The following LRP1B variants were observed in gnomAD, a reference collection of about 807,000 sequenced individuals.
LRP1B encodes the protein low-density lipoprotein receptor-related protein 1B.
Under a neutral mutation model 556.6 loss-of-function variants are expected in LRP1B, and 217 were observed. The observed-to-expected ratio is 0.39, with a 90% CI of 0.35 to 0.44. LRP1B has a LOEUF of 0.44. Ranked by LOEUF, LRP1B falls within the 20% of genes least tolerant of loss-of-function variation. The probability of loss-of-function intolerance (pLI) is 1.00; values close to 1 mark genes in which losing one functional copy is unlikely to be tolerated. For missense variants in LRP1B, 5,053 were observed against 5,620.8 expected (o/e 0.90, Z 3.23); for synonymous variants, 2,047 against 1,865.8 (o/e 1.10, Z -2.50).
chr2:141,838,347 A>C (rs1339755835), intron 1 of LRP1B, among the ~76,000 whole-genome samples: 1 of 152,168 alleles, frequency 6.6e-6, no homozygotes, highest in Non-Finnish European at 1.5e-5. Context: ...TGGTGAATTG[A>C]TGGAAGTCAT....
intron 2 of LRP1B, among the ~76,000 whole-genome samples, chr2:141,763,721 CAGA>C (rs1694638889): frequency 1.3e-5 from 2 of 152,040 alleles, no homozygotes; most frequent in Admixed American, 6.5e-5. Flanking sequence ...TAGTCAGATG[CAGA>C]AGATGTTCAT....
chr2:141,209,496 G>A (rs1333933065), intron 6 of LRP1B, among the ~76,000 whole-genome samples: 1 of 152,194 alleles, frequency 6.6e-6, no homozygotes. Context: ...CTTATCAGCA[G>A]TGTGAGAACG....
chr2:140,267,525 A>ATTGTT (rs1682262182), intron 86 of LRP1B, among the ~76,000 whole-genome samples: 13 of 151,962 alleles, frequency 8.6e-5, no homozygotes. Context: ...GTTTTACTGT[A>ATTGTT]TTGTTTAGAG....
chr2:141,071,561 A>T (rs963417206), intron 7 of LRP1B, among the ~76,000 whole-genome samples: 8 of 152,066 alleles, frequency 5.3e-5, no homozygotes, highest in Non-Finnish European at 8.8e-5. Flanking sequence ...AGGAAGTCAA[A>T]TTGTCCCTGT....
intron 35 of LRP1B, among the ~76,000 whole-genome samples, chr2:140,752,899 A>T (rs1688629808): frequency 6.6e-6 from 1 of 151,914 alleles, no homozygotes; most frequent in South Asian, 2.1e-4. Context: ...TAAAGTCCAC[A>T]CTCTACAGTA....
chr2:141,019,670 T>C (rs1698009704), intron 12 of LRP1B, among the ~76,000 whole-genome samples: 1 of 152,050 alleles, frequency 6.6e-6, no homozygotes. Context: ...AGAATTATAG[T>C]GCTAATTTTG....
At chr2:140,988,707 A>G (rs1012979283) in intron 17 of LRP1B, among the ~76,000 whole-genome samples, 10 of 152,098 alleles carry the variant, frequency 6.6e-5, no homozygotes, top group Non-Finnish European at 1.2e-4. Context: ...AATTTATAAC[A>G]CTTGTTATTG....
chr2:141,163,815 A>G (rs1680136207), intron 7 of LRP1B, among the ~76,000 whole-genome samples: 1 of 152,056 alleles, frequency 6.6e-6, no homozygotes, highest in South Asian at 2.1e-4. Context: ...ACCCAGTCTC[A>G]GGTATATTTT....
At chr2:141,049,421 G>A (rs986570320) in intron 10 of LRP1B, among the ~76,000 whole-genome samples, 199 bp from the exon 11 acceptor site, 8 of 151,972 alleles carry the variant, frequency 5.3e-5, no homozygotes, top group East Asian at 1.9e-4. Flanking sequence ...AATTACTTCC[G>A]CAAATGGGTT....
At chr2:140,588,658 A>G (rs2105158878) in intron 43 of LRP1B, among the ~76,000 whole-genome samples, 1 of 152,308 alleles carries the variant, frequency 6.6e-6, no homozygotes, top group African/African-American at 2.4e-5. Context: ...AAAGTATACA[A>G]GCAATTAGAG....
At chr2:141,816,327 A>G (rs1247823077) in intron 1 of LRP1B, among the ~76,000 whole-genome samples, 1 of 152,160 alleles carries the variant, frequency 6.6e-6, no homozygotes, top group East Asian at 1.9e-4. Flanking sequence ...GGTGGGCACC[A>G]TCTAATCTGC....
chr2:142,049,678 G>A (rs1478177031), intron 1 of LRP1B, among the ~76,000 whole-genome samples: 3 of 152,062 alleles, frequency 2.0e-5, no homozygotes, highest in African/African-American at 7.2e-5. Context: ...CCACTGCTCT[G>A]AAGAAGCTCT....
chr2:141,078,060 C>G lies in LRP1B; in HGVS notation c.1014-15787G>C, dbSNP rs116574018. Among the ~76,000 whole-genome samples, 893 of 150,644 alleles carry G rather than the reference C, an allele frequency of 5.9e-3. 10 individuals carry two copies. Among genetic ancestry groups the G allele is most frequent in the African/African-American group, 0.021 (841 of 40,940 alleles). On this transcript the variant is annotated intron_variant, in intron 7 of 90. Transcript: ENST00000389484. ...AGCTTATTTGGGTGAAGTTTTCTAACACAACTAAAAACTACTCATTTTATA... is the reference window on the plus strand; with the variant it reads ...AGCTTATTTGGGTGAAGTTTTCTAAGACAACTAAAAACTACTCATTTTATA...
chr2:142,103,980 T>C (rs1341253449), intron 1 of LRP1B, among the ~76,000 whole-genome samples: 1 of 152,134 alleles, frequency 6.6e-6, no homozygotes, highest in Non-Finnish European at 1.5e-5. Flanking sequence ...ATTTACAAGA[T>C]TGTCAGAAAA....
At chr2:141,683,500 G>A (rs1691176399) in intron 2 of LRP1B, among the ~76,000 whole-genome samples, 1 of 152,104 alleles carries the variant, frequency 6.6e-6, no homozygotes, top group South Asian at 2.1e-4. Context: ...TTACACAGCG[G>A]CAGGAAACAG....
rs1345553516 is a variant in LRP1B, at chr2:140,999,479, T to C, written c.2504-5344A>G. Among the ~76,000 whole-genome samples, 6 of 152,138 alleles carry C rather than the reference T, an allele frequency of 3.9e-5. No individual in the cohort carries two copies. In the East Asian group the frequency reaches 1.2e-3, roughly 29 times the overall value. ...GTGTAAAATCACATGTGTACCACCA[T>C]GATAACAGATTTTCTAACATCAGCT... On this transcript the variant is annotated intron_variant, in intron 15 of 90. Coordinates refer to ENST00000389484, the MANE Select transcript of LRP1B (RefSeq NM_018557.3).
chr2:141,375,531 C>G (rs191220182), intron 3 of LRP1B, among the ~76,000 whole-genome samples: 1 of 151,936 alleles, frequency 6.6e-6, no homozygotes, highest in Non-Finnish European at 1.5e-5. Context: ...ATGTCTTGGG[C>G]GGGCTACTCT....
intron 43 of LRP1B, among the ~76,000 whole-genome samples, chr2:140,566,797 G>C (rs148628926): frequency 9.1e-4 from 139 of 152,230 alleles, no homozygotes; most frequent in African/African-American, 3.2e-3. Context: ...ACTGTACCCT[G>C]GTCAGCCAGA....
chr2:141,215,519 G>A (rs1215385728), intron 6 of LRP1B, among the ~76,000 whole-genome samples: 1 of 152,198 alleles, frequency 6.6e-6, no homozygotes, highest in Admixed American at 6.5e-5. Flanking sequence ...GAAGATGAGA[G>A]ATGGCTTGAA....
Sources: allele counts gnomAD v4.1 joint callset (sites outside exome capture counted in the v4.1 genomes callset), GRCh38; gene constraint gnomAD v4.1.1; transcripts MANE v1.5; gene names NCBI Gene and HGNC (gene_info 2026-07-23, HGNC 2026-07-21).